The following DCN variants were observed in gnomAD, a reference collection of about 807,000 sequenced individuals.
The protein encoded by DCN is bone proteoglycan II.
A neutral mutation model predicts 36.5 loss-of-function variants in DCN; 17 were observed. The ratio of observed to expected loss-of-function variants is 0.47; its 90% CI spans 0.32 to 0.70. DCN has a LOEUF of 0.70. DCN is among the 30% of genes least tolerant of loss of function. The pLI, the probability that DCN is intolerant of heterozygous loss-of-function variation, is 0.04. For missense variants in DCN, 389 were observed against 430.1 expected (o/e 0.90, Z 0.84); for synonymous variants, 163 against 161.4 (o/e 1.01, Z -0.07).
intron 7 of DCN, chr12:91,150,855 A>T (rs1010766535): frequency 6.6e-6 from 1 of 152,242 alleles, no homozygotes; most frequent in South Asian, 2.1e-4. Flanking sequence ...AATGCACATC[A>T]ATGATAGACT....
chr12:91,173,247 AT>A (rs1883086485), intron 2 of DCN, among the ~76,000 whole-genome samples: 1 of 152,098 alleles, frequency 6.6e-6, no homozygotes, highest in African/African-American at 2.4e-5. Context: ...AATTCCCACC[AT>A]ATCCCCTGGA....
intron 2 of DCN, chr12:91,172,410 C>T (rs921791358): frequency 6.3e-6 from 1 of 159,882 alleles, no homozygotes; most frequent in African/African-American, 2.4e-5. Context: ...GGCAAATGAC[C>T]AAAATAATAT....
chr12:91,167,183 T>A (rs1418297616), intron 2 of DCN, among the ~76,000 whole-genome samples: 2 of 152,110 alleles, frequency 1.3e-5, no homozygotes, highest in African/African-American at 2.4e-5. Context: ...TCAGACCCAG[T>A]AATATGCTGT....
Position 91,142,234 on chromosome 12 carries a change from T to C in DCN, c.*3824A>G, listed in dbSNP as rs1880776269. 6.6e-6 allele frequency: 1 copy of C among 152,200 alleles called. No homozygotes were observed. The highest frequency in any genetic ancestry group is 6.6e-5 in the Admixed American group (1 of 15,266). 9.4% of individuals were successfully genotyped at this position (152,200 alleles called of 1,614,324 possible). A position where few individuals can be genotyped will look rare whatever the true frequency, so the allele number is the denominator to read the frequency against. On this transcript the variant is annotated 3_prime_UTR_variant, in exon 8 of 8. Coordinates refer to ENST00000052754, the MANE Select transcript of DCN (RefSeq NM_001920.5). ...TGTCGACTCAGCAACCTCGAATGTC[T>C]GTGCTGCAGGAGAGTCTGAAGGACA...
At chr12:91,148,148 A>T (rs555579989) in intron 7 of DCN, among the ~76,000 whole-genome samples, 72 of 149,770 alleles carry the variant, frequency 4.8e-4, no homozygotes, top group Non-Finnish European at 8.9e-4. Flanking sequence ...ATCTCGGCTC[A>T]CTGCAAGCTC....
rs112726035 is a variant in DCN at position 91,161,389 on chromosome 12, A to G, written c.325-2880T>C. On this transcript the variant is annotated intron_variant, in intron 3 of 7. Coordinates refer to ENST00000052754, the MANE Select transcript of DCN (RefSeq NM_001920.5). ...GACAGTAAGAATGTTTCATCCTTTA[A>G]AACAGTAGCTATAAGGCAAACTTAT... Among the ~76,000 whole-genome samples the G allele has an allele frequency of 1.1e-3, 163 of 152,378 alleles. 2 individuals are homozygous for G. In the East Asian group the frequency reaches 0.02, roughly 19 times the overall value.
chr12:91,168,100 G>C (rs1882705075), intron 2 of DCN, among the ~76,000 whole-genome samples: 1 of 152,056 alleles, frequency 6.6e-6, no homozygotes, highest in Non-Finnish European at 1.5e-5. Context: ...CAAAGTGCTG[G>C]GATTACAGGT....
chr12:91,149,958 C>T (rs1457012366), intron 7 of DCN, among the ~76,000 whole-genome samples: 2 of 151,942 alleles, frequency 1.3e-5, no homozygotes, highest in Non-Finnish European at 2.9e-5. Flanking sequence ...TTGGAAGGCT[C>T]AATATTATTA....
chr12:91,147,981 T>C (rs1425520752), intron 7 of DCN, among the ~76,000 whole-genome samples: 2 of 152,144 alleles, frequency 1.3e-5, no homozygotes, highest in Non-Finnish European at 2.9e-5. Context: ...GAGTTTACAG[T>C]TCACTTTGAG....
chr12:91,156,089 C>T (rs985163853), intron 5 of DCN, among the ~76,000 whole-genome samples: 2 of 152,078 alleles, frequency 1.3e-5, no homozygotes, highest in African/African-American at 2.4e-5. Flanking sequence ...AGAGTAGGGA[C>T]GATGTGCAAG....
rs184352133 is a variant in DCN at position 91,152,415 on chromosome 12, G to A, written c.747-623C>T. ...GGCATGATAGTGTGCTTCTCTGTAG[G>A]GACAGTCAGCAATATGTACAGATCA... On this transcript the variant is annotated intron_variant, in intron 6 of 7. Coordinates refer to ENST00000052754, the MANE Select transcript of DCN (RefSeq NM_001920.5). Among the ~76,000 whole-genome samples the A allele has an allele frequency of 3.5e-4, 53 of 151,988 alleles. No homozygotes were observed. The East Asian group carries it at 9.7e-3, about 28-fold the overall frequency.
At chr12:91,173,561 C>G (rs969442474) in intron 2 of DCN, among the ~76,000 whole-genome samples, 1 of 152,144 alleles carries the variant, frequency 6.6e-6, no homozygotes, top group Non-Finnish European at 1.5e-5. Context: ...TTTAGGCAAT[C>G]CAGTGGTCAT....
chr12:91,174,443 A>G (rs1015678833), intron 2 of DCN, among the ~76,000 whole-genome samples: 1 of 152,142 alleles, frequency 6.6e-6, no homozygotes, highest in East Asian at 1.9e-4. Context: ...TAAGTCATTG[A>G]GAGTCTCTAA....
chr12:91,146,296 T>C (rs767230500), intron 7 of DCN, 44 bp from the exon 8 acceptor site: 1 of 1,108,898 alleles, frequency 9.0e-7, no homozygotes, highest in Non-Finnish European at 1.4e-6. Flanking sequence ...TCTCTAAATA[T>C]GTTGAGGCCC....
chr12:91,178,411 G>T lies in DCN; in HGVS notation c.142C>A (p.Pro48Thr), dbSNP rs1356510939. ...PEVPDDRDFEPSLGPVCPFRC... is the reference protein window; with the variant it reads ...PEVPDDRDFETSLGPVCPFRC... ...AAGGGGCACACTGGGCCTAGGGAGG[G>T]CTCGAAGTCGCGGTCATCAGGAACT... is the stretch of plus-strand genomic sequence containing the variant. Residue 48 changes from proline to threonine, a missense_variant, in exon 2 of 8, where the codon CCC (proline) becomes ACC (threonine). Pro to Thr is a conservative substitution (Grantham distance 38). Transcript: ENST00000052754. The T allele has an allele frequency of 3.1e-6, 5 of 1,613,934 alleles. No homozygotes were observed. The East Asian group carries it at 1.1e-4, about 36-fold the overall frequency.
intron 3 of DCN, among the ~76,000 whole-genome samples, chr12:91,160,042 ACTT>A (rs1882062211): frequency 6.6e-6 from 1 of 152,142 alleles, no homozygotes; most frequent in Non-Finnish European, 1.5e-5. Context: ...ATGAATTAAA[ACTT>A]CTTATTAAGT....
chr12:91,156,792 A>C (rs1881806915), intron 5 of DCN, among the ~76,000 whole-genome samples: 1 of 151,942 alleles, frequency 6.6e-6, no homozygotes, highest in East Asian at 1.9e-4. Context: ...ACTGTGCATT[A>C]AGTTGTGTCT....
chr12:91,177,852 T>A (rs938619453), intron 2 of DCN: 19 of 571,994 alleles, frequency 3.3e-5, no homozygotes, highest in Admixed American at 1.0e-4. Flanking sequence ...GTCATAAAAT[T>A]TGATGTGTTT....
intron 7 of DCN, among the ~76,000 whole-genome samples, chr12:91,146,734 A>G (rs1881052446): frequency 6.6e-6 from 1 of 152,070 alleles, no homozygotes; most frequent in African/African-American, 2.4e-5. Flanking sequence ...TCCCTTCTTT[A>G]GTCTTGTCTT....
Sources: allele counts gnomAD v4.1 joint callset (sites outside exome capture counted in the v4.1 genomes callset), GRCh38; gene constraint gnomAD v4.1.1; transcripts MANE v1.5; gene names NCBI Gene and HGNC (gene_info 2026-07-23, HGNC 2026-07-21).